PIK3CB: variants seen among roughly 807,000 people sequenced by gnomAD.
PIK3CB encodes the protein phosphatidylinositol-4,5-bisphosphate 3-kinase catalytic subunit beta, also known as phosphatidylinositol 4,5-bisphosphate 3-kinase catalytic subunit beta isoform.
A neutral mutation model predicts 136.8 loss-of-function variants in PIK3CB; 39 were observed. That is an observed-to-expected ratio of 0.29 (90% CI 0.22 to 0.37). The LOEUF (loss-of-function observed/expected upper bound fraction) is 0.37, where lower values mean the gene tolerates loss of function less well. Ranked by LOEUF, PIK3CB falls within the 10% of genes least tolerant of loss-of-function variation. The pLI, the probability that PIK3CB is intolerant of heterozygous loss-of-function variation, is 1.00. For synonymous variants in PIK3CB, 428 were observed against 436.6 expected (o/e 0.98, Z 0.25); for missense variants, 868 against 1,275.4 (o/e 0.68, Z 4.87).
At chr3:138,701,392 A>G (rs1484052692) in intron 12 of PIK3CB, among the ~76,000 whole-genome samples, 2 of 152,180 alleles carry the variant, frequency 1.3e-5, no homozygotes, top group Non-Finnish European at 2.9e-5. Context: ...TAGATTATAT[A>G]GAACTGAATC....
intron 19 of PIK3CB, among the ~76,000 whole-genome samples, chr3:138,673,974 C>T (rs965213094): frequency 1.3e-5 from 2 of 152,142 alleles, no homozygotes; most frequent in African/African-American, 4.8e-5. Context: ...TCAGACCTCA[C>T]CTAGCATGAA....
At chr3:138,772,711 C>T (rs1166277624) in intron 2 of PIK3CB, among the ~76,000 whole-genome samples, 1 of 150,400 alleles carries the variant, frequency 6.6e-6, no homozygotes, top group Non-Finnish European at 1.5e-5. Flanking sequence ...TGAGCTCAAG[C>T]AATCCTCCTA....
chr3:138,658,570 C>T (rs952559501), intron 21 of PIK3CB, among the ~76,000 whole-genome samples: 9 of 152,096 alleles, frequency 5.9e-5, no homozygotes, highest in Non-Finnish European at 1.0e-4. Flanking sequence ...TGTCTGCCTC[C>T]ATTTTTCTAA....
chr3:138,706,316 G>GCC (rs1485945009), intron 11 of PIK3CB, among the ~76,000 whole-genome samples: 1 of 152,100 alleles, frequency 6.6e-6, no homozygotes, highest in Non-Finnish European at 1.5e-5. Flanking sequence ...AATTACCATA[G>GCC]CCCTATATTT....
At chr3:138,725,414 T>C (rs890320683) in intron 8 of PIK3CB, among the ~76,000 whole-genome samples, 1 of 152,218 alleles carries the variant, frequency 6.6e-6, no homozygotes, top group African/African-American at 2.4e-5. Context: ...ATTATTTCCT[T>C]AAGTAGTCTT....
At position 138,831,709 on chromosome 3, in the gene PIK3CB, G is replaced by A. The variant is rs1004835263; in HGVS notation, c.-122+2986C>T. Among the ~76,000 whole-genome samples, 4 of 152,262 alleles carry A rather than the reference G, an allele frequency of 2.6e-5. No homozygotes were observed. In the East Asian group the frequency reaches 7.7e-4, roughly 29 times the overall value. On this transcript the variant is annotated intron_variant, in intron 1 of 23. Transcript: ENST00000674063. ...TGGGAGGCCAAGGCGGGAGGAACACGAGGTCAAAAGACTGAGACCATCCTG... is the reference window on the plus strand; with the variant it reads ...TGGGAGGCCAAGGCGGGAGGAACACAAGGTCAAAAGACTGAGACCATCCTG...
At position 138,676,887 on chromosome 3, in the gene PIK3CB, AG is replaced by A. The variant is rs551659902; in HGVS notation, c.2504+5079del. Among the ~76,000 whole-genome samples the A allele has an allele frequency of 2.2e-3, 332 of 152,234 alleles. 2 individuals are homozygous for A. The highest frequency in any genetic ancestry group is 7.6e-3 in the African/African-American group (316 of 41,550). ...CAGCTAAGGAGTGCAGGGTTTTTGAAGGGTTGATAAAAATGTTGTAAAATTA... is the reference window on the plus strand; with the variant it reads ...CAGCTAAGGAGTGCAGGGTTTTTGAAGGTTGATAAAAATGTTGTAAAATTA... On this transcript the variant is annotated intron_variant, in intron 19 of 23. Coordinates refer to ENST00000674063, the MANE Select transcript of PIK3CB (RefSeq NM_006219.3).
intron 2 of PIK3CB, among the ~76,000 whole-genome samples, chr3:138,781,594 A>T (rs1331388488): frequency 6.6e-6 from 1 of 152,022 alleles, no homozygotes; most frequent in African/African-American, 2.4e-5. Context: ...CTGGGATTAC[A>T]GGTGCCCACC....
At chr3:138,788,005 T>A (rs1292144839) in intron 2 of PIK3CB, among the ~76,000 whole-genome samples, 2 of 151,596 alleles carry the variant, frequency 1.3e-5, no homozygotes, top group East Asian at 3.9e-4. Context: ...TCAGTACAAC[T>A]TCCGCCTCCC....
intron 8 of PIK3CB, among the ~76,000 whole-genome samples, chr3:138,715,969 C>A (rs552540788): frequency 6.6e-6 from 1 of 151,620 alleles, no homozygotes; most frequent in Non-Finnish European, 1.5e-5. Context: ...TATTAAAAAG[C>A]TATCAGAATA....
chr3:138,814,810 T>C (rs1014284170), intron 1 of PIK3CB, among the ~76,000 whole-genome samples: 1 of 151,972 alleles, frequency 6.6e-6, no homozygotes, highest in Non-Finnish European at 1.5e-5. Flanking sequence ...TAGCCCAGCC[T>C]GGGCAACATG....
chr3:138,665,310 T>A, intron 19 of PIK3CB, 107 bp from the exon 20 acceptor site: 1 of 693,696 alleles, frequency 1.4e-6, no homozygotes, highest in Non-Finnish European at 2.2e-6. Context: ...ATTATTGATA[T>A]ACTTGCCATT....
chr3:138,729,857 A>G (rs2044932613), intron 8 of PIK3CB, among the ~76,000 whole-genome samples: 1 of 152,112 alleles, frequency 6.6e-6, no homozygotes, highest in African/African-American at 2.4e-5. Flanking sequence ...ATTGTATCCT[A>G]TTGGCTCTGT....
intron 2 of PIK3CB, among the ~76,000 whole-genome samples, chr3:138,770,873 G>A (rs960892120): frequency 3.0e-4 from 45 of 151,352 alleles, no homozygotes; most frequent in African/African-American, 9.9e-4. Flanking sequence ...CATCACGCCC[G>A]GCTAATTTTT....
At chr3:138,826,242 C>T (rs1461083264) in intron 1 of PIK3CB, 42 of 1,539,372 alleles carry the variant, frequency 2.7e-5, no homozygotes, top group Non-Finnish European at 3.7e-5. Context: ...ACAGAGTTGC[C>T]GTGGGTGTCA....
chr3:138,819,884 G>A (rs141225830), intron 1 of PIK3CB, among the ~76,000 whole-genome samples: 110 of 152,306 alleles, frequency 7.2e-4, no homozygotes, highest in African/African-American at 2.5e-3. Context: ...GCTGAGGCAG[G>A]AGAATCGCTT....
chr3:138,771,648 T>C (rs1375475291), intron 2 of PIK3CB, among the ~76,000 whole-genome samples: 2 of 152,224 alleles, frequency 1.3e-5, no homozygotes, highest in East Asian at 3.8e-4. Context: ...TCATTTATAA[T>C]AAAATGACAT....
intron 4 of PIK3CB, among the ~76,000 whole-genome samples, chr3:138,754,752 T>C (rs2045533785): frequency 6.6e-6 from 1 of 152,210 alleles, no homozygotes; most frequent in Non-Finnish European, 1.5e-5. Flanking sequence ...TGAATTATTA[T>C]AGGGTTAAGA....
chr3:138,659,408 T>G (rs2043247570), intron 21 of PIK3CB, among the ~76,000 whole-genome samples: 1 of 151,532 alleles, frequency 6.6e-6, no homozygotes. Flanking sequence ...CCCAGCTGCC[T>G]GGGGAGGCTG....
Sources: gnomAD v4.1 joint callset for allele counts (sites outside exome capture counted in the v4.1 genomes callset) on GRCh38, gnomAD v4.1.1 for gene constraint, MANE v1.5 for transcripts, NCBI Gene and HGNC (gene_info 2026-07-23, HGNC 2026-07-21) for gene names.